Variants in ATP6V1E1 observed in about 807,000 individuals in gnomAD.
ATP6V1E1 encodes V-type proton ATPase subunit E 1.
ATP6V1E1 carries 21 observed loss-of-function variants against 35.2 expected under a neutral mutation model. The observed-to-expected ratio is 0.60, with a 90% confidence interval of 0.42 to 0.86. The LOEUF (loss-of-function observed/expected upper bound fraction) is 0.86. ATP6V1E1 is among the 40% of genes least tolerant of loss of function. ATP6V1E1 has a pLI of 0.00. For synonymous variants in ATP6V1E1, 83 were observed against 87.8 expected (o/e 0.95, Z 0.30); for missense variants, 183 against 272.6 (o/e 0.67, Z 2.32).
intron 8 of ATP6V1E1, 83 bp downstream of exon 8, chr22:17,594,446 A>C: frequency 9.1e-7 from 1 of 1,098,216 alleles, no homozygotes; most frequent in Non-Finnish European, 1.2e-6. Flanking sequence ...AACAAATCCC[A>C]AATACCAGTG....
chr22:17,593,662 C>G (rs562410436), intron 8 of ATP6V1E1, among the ~76,000 whole-genome samples: 1 of 152,218 alleles, frequency 6.6e-6, no homozygotes, highest in Non-Finnish European at 1.5e-5. Flanking sequence ...GTTTAAGTTA[C>G]CAGAATATGA....
At chr22:17,609,110 AAAACAAAC>A (rs776470535) in intron 4 of ATP6V1E1, among the ~76,000 whole-genome samples, 19,271 of 139,990 alleles carry the variant, frequency 0.14, 1,292 homozygotes, top group Middle Eastern at 0.22. Flanking sequence ...AAAACAAAAC[AAAACAAAC>A]AAACAAACAA....
chr22:17,613,048 A>G (rs2057823184), intron 3 of ATP6V1E1, 163 bp downstream of exon 3: 1 of 896,148 alleles, frequency 1.1e-6, no homozygotes, highest in African/African-American at 1.7e-5. Flanking sequence ...TAATCCTGTC[A>G]GGCTTTAATT....
intron 7 of ATP6V1E1, chr22:17,597,910 C>T (rs2057740569): frequency 5.2e-6 from 2 of 381,512 alleles, no homozygotes; most frequent in Non-Finnish European, 9.7e-6. Context: ...ATCTCTTGAC[C>T]TTGTGATCCA....
intron 1 of ATP6V1E1, among the ~76,000 whole-genome samples, chr22:17,626,061 C>T (rs898347380): frequency 2.0e-5 from 3 of 151,866 alleles, no homozygotes; most frequent in African/African-American, 7.3e-5. Context: ...AATCCCAGCA[C>T]TTTGGGAGGC....
intron 2 of ATP6V1E1, among the ~76,000 whole-genome samples, chr22:17,616,679 CAAAAAAAA>C (rs374090230): frequency 3.8e-5 from 2 of 52,658 alleles, no homozygotes; most frequent in African/African-American, 1.5e-4. Context: ...AACTCCGGCT[CAAAAAAAA>C]AAAAAAAAAA....
chr22:17,626,226 T>C (rs62238857), intron 1 of ATP6V1E1, among the ~76,000 whole-genome samples: 17,173 of 143,984 alleles, frequency 0.12, 1,483 homozygotes, highest in African/African-American at 0.25. Context: ...GAGAATGGCA[T>C]GAACCCAGGA....
chr22:17,619,129 T>C (rs1250830796), intron 2 of ATP6V1E1: 3 of 447,244 alleles, frequency 6.7e-6, no homozygotes, highest in Non-Finnish European at 1.3e-5. Context: ...CCGTCTCTAC[T>C]AAAAATACAA....
chr22:17,615,419 C>T (rs946450325), intron 2 of ATP6V1E1, among the ~76,000 whole-genome samples: 7 of 151,440 alleles, frequency 4.6e-5, no homozygotes, highest in African/African-American at 1.2e-4. Context: ...CCGAGGTAGG[C>T]GGATCACTTG....
At chr22:17,624,861 T>C (rs2057895956) in intron 1 of ATP6V1E1, among the ~76,000 whole-genome samples, 1 of 152,150 alleles carries the variant, frequency 6.6e-6, no homozygotes, top group Non-Finnish European at 1.5e-5. Context: ...CAAGGAACTA[T>C]AGCTTTATCT....
chr22:17,619,713 G>A (rs971205445), intron 1 of ATP6V1E1, among the ~76,000 whole-genome samples, 187 bp from the exon 2 acceptor site: 19 of 152,244 alleles, frequency 1.2e-4, no homozygotes, highest in Middle Eastern at 3.4e-3. Context: ...CAGATACCCC[G>A]TCTCTACTAA....
intron 4 of ATP6V1E1, among the ~76,000 whole-genome samples, chr22:17,609,634 A>G (rs1158708667): frequency 1.3e-5 from 2 of 150,164 alleles, no homozygotes; most frequent in East Asian, 3.9e-4. Flanking sequence ...ACGCCCGGCT[A>G]ATTTTTTGTA....
intron 4 of ATP6V1E1, among the ~76,000 whole-genome samples, chr22:17,604,612 T>C (rs2057776407): frequency 6.6e-6 from 1 of 150,596 alleles, no homozygotes; most frequent in African/African-American, 2.5e-5. Context: ...CTCCGCCCCC[T>C]GGGTTCAAGC....
At chr22:17,593,606 T>G (rs1004664328) in intron 8 of ATP6V1E1, among the ~76,000 whole-genome samples, 2 of 152,252 alleles carry the variant, frequency 1.3e-5, no homozygotes, top group Non-Finnish European at 2.9e-5. Context: ...GAGTAGTGGC[T>G]ATGATACTGG....
rs1158650923 is a variant in ATP6V1E1, at chr22:17,592,747, A to T, written c.619-11T>A. The T allele has an allele frequency of 8.7e-6, 14 of 1,611,594 alleles. No individual in the cohort carries two copies. Among genetic ancestry groups the T allele is most frequent in the Non-Finnish European group, 1.2e-5 (14 of 1,177,828 alleles). ...GACTTCTGGCATCATCTGTGGAGAG[A>T]AAGTGTAATAAATACGCAATGTCAG... On this transcript the variant is annotated splice_polypyrimidine_tract_variant and intron_variant, in intron 8 of 8. Transcript: ENST00000253413.
intron 1 of ATP6V1E1, among the ~76,000 whole-genome samples, chr22:17,626,397 G>A (rs1224864256): frequency 6.6e-6 from 1 of 151,818 alleles, no homozygotes; most frequent in Non-Finnish European, 1.5e-5. Context: ...TTTAGAGACA[G>A]GGTCTTTTGC....
chr22:17,615,209 G>A (rs2044839160), intron 2 of ATP6V1E1, among the ~76,000 whole-genome samples: 1 of 152,092 alleles, frequency 6.6e-6, no homozygotes, highest in Admixed American at 6.6e-5. Flanking sequence ...GCTGAGGCAG[G>A]AGAATTGCTT....
intron 6 of ATP6V1E1, among the ~76,000 whole-genome samples, chr22:17,599,224 AT>A (rs2057748873): frequency 6.6e-6 from 1 of 152,014 alleles, no homozygotes; most frequent in African/African-American, 2.4e-5. Flanking sequence ...AATATTGTAA[AT>A]GTACTTAATG....
At chr22:17,602,278 T>TA (rs1429670714) in intron 4 of ATP6V1E1, among the ~76,000 whole-genome samples, 2 of 152,052 alleles carry the variant, frequency 1.3e-5, no homozygotes, top group Non-Finnish European at 2.9e-5. Context: ...TAAAAATAAC[T>TA]AAAATAGGAA....
Sources: allele counts gnomAD v4.1 joint callset (sites outside exome capture counted in the v4.1 genomes callset), GRCh38; gene constraint gnomAD v4.1.1; transcripts MANE v1.5; gene names NCBI Gene and HGNC (gene_info 2026-07-23, HGNC 2026-07-21).